The following LCORL variants were observed in gnomAD, a reference collection of about 807,000 sequenced individuals.
LCORL encodes ligand-dependent nuclear receptor corepressor-like protein.
Under a neutral mutation model 141.8 loss-of-function variants are expected in LCORL, and 41 were observed. The ratio of observed to expected loss-of-function variants is 0.29; its 90% CI spans 0.23 to 0.38. The LOEUF (loss-of-function observed/expected upper bound fraction) is 0.38. LCORL is among the 10% of genes least tolerant of loss of function. LCORL has a pLI of 1.00. For synonymous variants in LCORL, 618 were observed against 694.1 expected (o/e 0.89, Z 1.72); for missense variants, 1,759 against 2,035.0 (o/e 0.86, Z 2.61).
chr4:18,018,349 C>G (rs978657157), intron 1 of LCORL, among the ~76,000 whole-genome samples: 4 of 152,092 alleles, frequency 2.6e-5, no homozygotes, highest in Admixed American at 6.5e-5. Flanking sequence ...AAAACTATAA[C>G]ACAGTACAGT....
intron 5 of LCORL, among the ~76,000 whole-genome samples, chr4:17,893,798 T>C (rs891905550): frequency 1.3e-5 from 2 of 152,136 alleles, no homozygotes; most frequent in African/African-American, 4.8e-5. Flanking sequence ...ATTCTAAGGT[T>C]ATTTATTTAT....
chr4:17,994,006 A>G (rs146702880), intron 1 of LCORL, among the ~76,000 whole-genome samples: 17 of 152,302 alleles, frequency 1.1e-4, no homozygotes, highest in African/African-American at 3.8e-4. Flanking sequence ...CAAGAAATTC[A>G]TGAGGTTTGT....
At chr4:17,935,693 C>T (rs1191258271) in intron 4 of LCORL, among the ~76,000 whole-genome samples, 2 of 152,190 alleles carry the variant, frequency 1.3e-5, no homozygotes, top group Non-Finnish European at 2.9e-5. Context: ...AGGCCCTCAC[C>T]AGAAGCAGAT....
chr4:17,869,012 C>T (rs1726014294), intron 7 of LCORL, among the ~76,000 whole-genome samples: 1 of 151,498 alleles, frequency 6.6e-6, no homozygotes, highest in African/African-American at 2.4e-5. Context: ...CACAAATTAC[C>T]GATTTGCCTT....
exon 5 of LCORL, chr4:17,909,341 A>G (rs1732140029): frequency 6.3e-7 from 1 of 1,589,852 alleles, no homozygotes; most frequent in Admixed American, 1.8e-5. Context: ...AGTTCTGAGG[A>G]AGATCTAGGG....
intron 5 of LCORL, among the ~76,000 whole-genome samples, chr4:17,897,653 A>G (rs924186921): frequency 2.0e-5 from 3 of 152,178 alleles, no homozygotes; most frequent in African/African-American, 7.2e-5. Context: ...AAATGAGTAC[A>G]TTTTAAAACA....
At chr4:17,845,583 T>G (rs1036781512) in exon 8 of LCORL, 5 of 523,240 alleles carry the variant, frequency 9.6e-6, no homozygotes, top group Non-Finnish European at 1.6e-5. Context: ...AAGAATATAA[T>G]CAAAATGATT....
chr4:17,963,877 T>C (rs757055026), intron 2 of LCORL, among the ~76,000 whole-genome samples: 2 of 152,036 alleles, frequency 1.3e-5, no homozygotes, highest in Non-Finnish European at 1.5e-5. Flanking sequence ...ACCATTATCA[T>C]CTAAGGCAGC....
chr4:17,916,831 G>A (rs1232417484), intron 4 of LCORL, among the ~76,000 whole-genome samples: 1 of 151,548 alleles, frequency 6.6e-6, no homozygotes, highest in Non-Finnish European at 1.5e-5. Context: ...TTTTAGTAGC[G>A]GCTGGGTTTT....
intron 1 of LCORL, among the ~76,000 whole-genome samples, chr4:17,983,032 C>T (rs990823946): frequency 2.0e-5 from 3 of 152,146 alleles, no homozygotes; most frequent in Non-Finnish European, 4.4e-5. Context: ...GTCCTTTCCC[C>T]ATTACTTGTT....
chr4:17,883,023 A>G (rs1053745000), intron 6 of LCORL: 2 of 976,106 alleles, frequency 2.0e-6, no homozygotes, highest in Non-Finnish European at 1.2e-6. Flanking sequence ...GGGGTTAACT[A>G]TGTGTCAGTT....
chr4:17,874,209 A>C lies in LCORL; in HGVS notation c.4781T>G (p.Leu1594Ter). 1 of 1,233,936 alleles carries C rather than the reference A, an allele frequency of 8.1e-7. No homozygotes were observed. Among genetic ancestry groups the C allele is most frequent in the Non-Finnish European group, 1.0e-6 (1 of 987,908 alleles). The allele number at this position is 1,233,936 out of a possible 1,614,324, so 76.4% of individuals were successfully genotyped here. ...CAACCTCTTAAACTCAGTCCTTTTTAATCTAGCTATTGCTAAATTACTTTT... is the reference window on the plus strand; with the variant it reads ...CAACCTCTTAAACTCAGTCCTTTTTCATCTAGCTATTGCTAAATTACTTTT... The change falls in exon 7 of 8, where the codon TTA becomes TGA. Residue 1594 changes from leucine (L) to a stop codon, truncating the protein, a stop_gained. Transcript: ENST00000635767. LOFTEE classifies it high-confidence loss of function.
intron 4 of LCORL, among the ~76,000 whole-genome samples, chr4:17,910,263 T>C (rs1732306074): frequency 6.6e-6 from 1 of 152,196 alleles, no homozygotes; most frequent in Non-Finnish European, 1.5e-5. Flanking sequence ...AGATTTAGTA[T>C]TGGGGGTGGT....
In LCORL at chr4:17,875,433, A is replaced by G. The variant is rs1386211143; in HGVS notation, c.3557T>C (p.Ile1186Thr). 6.5e-6 allele frequency: 8 copies of G among 1,231,204 alleles called. No homozygotes were observed. The East Asian group carries it at 1.3e-4, about 19-fold the overall frequency. The allele number at this position is 1,231,204 out of a possible 1,614,324, so 76.3% of individuals were successfully genotyped here. A position where few individuals can be genotyped will look rare whatever the true frequency, so the allele number is the denominator to read the frequency against. Residue 1186 changes from isoleucine (I) to threonine (T), a missense_variant, in exon 7 of 8, where the codon ATT becomes ACT. By Grantham distance (89) the Ile-to-Thr change is moderately conservative. Around this residue, in one of 5 missense-constraint regions of LCORL, gnomAD observed 1,311 missense variants for 1,531.3 expected, o/e 0.86. Coordinates refer to ENST00000635767, the Ensembl canonical transcript of LCORL. ...ACCCAAGTCAATTTTGTCTTCACTA[A>G]TATTTCTGGGACTATTATATTCAGT...
At chr4:17,933,474 T>C (rs1424526232) in intron 4 of LCORL, among the ~76,000 whole-genome samples, 2 of 152,116 alleles carry the variant, frequency 1.3e-5, no homozygotes, top group East Asian at 1.9e-4. Flanking sequence ...AAATTAAGTC[T>C]TTATTTCTAA....
At chr4:17,919,083 T>TA (rs1733907458) in intron 4 of LCORL, among the ~76,000 whole-genome samples, 3 of 152,084 alleles carry the variant, frequency 2.0e-5, no homozygotes, top group Non-Finnish European at 2.9e-5. Flanking sequence ...CTACTGATCT[T>TA]AAAAAAACAC....
At chr4:17,885,547 A>G (rs1728153692) in intron 6 of LCORL, among the ~76,000 whole-genome samples, 1 of 151,884 alleles carries the variant, frequency 6.6e-6, no homozygotes, top group Non-Finnish European at 1.5e-5. Flanking sequence ...GCATTTCACT[A>G]CTAATTATTT....
rs1272486403 is a variant in LCORL at position 17,866,916 on chromosome 4, A to G, written c.5602+6472T>C. ...TTAGACCTTGAGGCAGGAATTTATCATGGTGTGAGGCATTGAAACCAATCT... is the reference window on the plus strand; with the variant it reads ...TTAGACCTTGAGGCAGGAATTTATCGTGGTGTGAGGCATTGAAACCAATCT... On this transcript the variant is annotated intron_variant, in intron 7 of 7. Coordinates refer to ENST00000635767, the Ensembl canonical transcript of LCORL. 1.7e-5 allele frequency: 13 copies of G among 763,728 alleles called. No individual in the cohort carries two copies. In the African/African-American group the frequency reaches 2.3e-4, roughly 13 times the overall value. 47.3% of individuals were successfully genotyped at this position (763,728 alleles called of 1,614,324 possible).
At chr4:17,992,298 G>A (rs969780140) in intron 1 of LCORL, among the ~76,000 whole-genome samples, 5 of 152,120 alleles carry the variant, frequency 3.3e-5, no homozygotes. Context: ...CAGATCTCGT[G>A]AGAACTCACT....
Sources: gnomAD v4.1 joint callset for allele counts (sites outside exome capture counted in the v4.1 genomes callset) on GRCh38, gnomAD v4.1.1 for gene constraint, gnomAD v4.1.1 regional missense constraint, MANE v1.5 for transcripts, NCBI Gene and HGNC (gene_info 2026-07-23, HGNC 2026-07-21) for gene names.